Variants in WDR19 observed in about 807,000 individuals in gnomAD.
WDR19 encodes WD repeat domain 19, also known as WD repeat-containing protein 19.
In WDR19, 121 loss-of-function variants were observed where a neutral mutation model predicts 180.0. The observed-to-expected ratio is 0.67, with a 90% CI of 0.58 to 0.78. WDR19 has a LOEUF of 0.78. Ranked by LOEUF, WDR19 falls within the 30% of genes least tolerant of loss-of-function variation. The probability of loss-of-function intolerance (pLI) is 0.00; values close to 1 mark genes in which losing one functional copy is unlikely to be tolerated. For missense variants in WDR19, 1,450 were observed against 1,640.7 expected (o/e 0.88, Z 2.01); for synonymous variants, 497 against 540.7 (o/e 0.92, Z 1.12).
intron 28 of WDR19, among the ~76,000 whole-genome samples, chr4:39,264,803 C>T (rs775150247): frequency 7.2e-5 from 11 of 152,114 alleles, no homozygotes; most frequent in Non-Finnish European, 1.5e-4. Context: ...AATTCCTGAC[C>T]TCACACATTC....
intron 19 of WDR19, 161 bp downstream of exon 19, chr4:39,232,433 T>C (rs1730976832): frequency 3.8e-6 from 2 of 527,938 alleles, no homozygotes; most frequent in Non-Finnish European, 6.6e-6. Flanking sequence ...TAGACCAGCC[T>C]GACCAATATG....
chr4:39,192,731 G>C (rs1471839475), intron 4 of WDR19, among the ~76,000 whole-genome samples: 1 of 152,156 alleles, frequency 6.6e-6, no homozygotes, highest in Non-Finnish European at 1.5e-5. Flanking sequence ...CAAAGTGCTA[G>C]GATTATAGGC....
At chr4:39,277,268 T>G in intron 34 of WDR19, 125 bp downstream of exon 34, 1 of 1,088,094 alleles carries the variant, frequency 9.2e-7, no homozygotes, top group African/African-American at 1.6e-5. Context: ...TCCTGCAACA[T>G]CTAGCATTTT....
At chr4:39,265,527 A>G (rs1734699853) in intron 28 of WDR19, among the ~76,000 whole-genome samples, 2 of 151,898 alleles carry the variant, frequency 1.3e-5, no homozygotes. Context: ...TAATCTCAGC[A>G]CTTTGGGAGG....
intron 14 of WDR19, chr4:39,218,630 T>TA (rs1390851791): frequency 6.6e-6 from 1 of 152,394 alleles, no homozygotes; most frequent in African/African-American, 2.4e-5. Context: ...TACTGTACAC[T>TA]ACCATAGATT....
intron 9 of WDR19, 140 bp downstream of exon 9, chr4:39,205,876 AT>A: frequency 1.3e-6 from 1 of 777,844 alleles, no homozygotes; most frequent in Non-Finnish European, 2.0e-6. Flanking sequence ...CCTGATTTTA[AT>A]ATTCAGGGCA....
At chr4:39,195,302 T>C (rs770627284) in intron 5 of WDR19, among the ~76,000 whole-genome samples, 5 of 149,486 alleles carry the variant, frequency 3.3e-5, no homozygotes, top group Non-Finnish European at 7.4e-5. Flanking sequence ...GGAGGGTGGA[T>C]GTTGCAGTGA....
chr4:39,222,458 T>C (rs1039288971), intron 14 of WDR19, among the ~76,000 whole-genome samples: 1 of 152,212 alleles, frequency 6.6e-6, no homozygotes, highest in Admixed American at 6.5e-5. Context: ...TGGATCATGC[T>C]TTTGGTGTCA....
At chr4:39,265,408 T>C (rs577273094) in intron 28 of WDR19, among the ~76,000 whole-genome samples, 6 of 152,116 alleles carry the variant, frequency 3.9e-5, no homozygotes, top group Non-Finnish European at 7.4e-5. Flanking sequence ...CCTGGAATGA[T>C]ACCGTTGTGT....
chr4:39,225,431 C>T (rs1730151639), intron 15 of WDR19, among the ~76,000 whole-genome samples: 1 of 152,116 alleles, frequency 6.6e-6, no homozygotes, highest in African/African-American at 2.4e-5. Flanking sequence ...CTTGAAGATC[C>T]TGAGCACAAG....
At position 39,268,107 on chromosome 4, in the gene WDR19, G is replaced by A. The variant is rs375715247; in HGVS notation, c.3358+16G>A. The A allele has an allele frequency of 2.6e-4, 402 of 1,553,056 alleles. No homozygotes were observed. Among genetic ancestry groups the A allele is most frequent in the East Asian group, 6.2e-4 (26 of 42,098 alleles). On this transcript the variant is annotated intron_variant, in intron 30 of 36. Coordinates refer to ENST00000399820, the MANE Select transcript of WDR19 (RefSeq NM_025132.4). Reference sequence around the variant, plus strand: ...CAGTCTGCAGGTAGGTCCGTGATACGTATGTGTTACTTCCCAAGCAGGCAG... The same window carrying A: ...CAGTCTGCAGGTAGGTCCGTGATACATATGTGTTACTTCCCAAGCAGGCAG...
chr4:39,247,605 G>GA (rs1320106751), intron 24 of WDR19, among the ~76,000 whole-genome samples: 2 of 151,780 alleles, frequency 1.3e-5, no homozygotes, highest in Admixed American at 6.6e-5. Context: ...TAAAAACTTT[G>GA]AAAAAAAATT....
intron 26 of WDR19, among the ~76,000 whole-genome samples, chr4:39,254,342 T>C (rs1391206420): frequency 6.6e-6 from 1 of 152,172 alleles, no homozygotes; most frequent in Non-Finnish European, 1.5e-5. Context: ...GATTTCAAAA[T>C]GAAGGTGATA....
chr4:39,189,508 T>C (rs953472943), intron 3 of WDR19, 148 bp from the exon 4 acceptor site: 5 of 732,516 alleles, frequency 6.8e-6, no homozygotes, highest in African/African-American at 3.7e-5. Context: ...ACATTACCCA[T>C]GCAGTGAATA....
chr4:39,267,348 C>T (rs1254473263), intron 29 of WDR19, among the ~76,000 whole-genome samples: 1 of 152,182 alleles, frequency 6.6e-6, no homozygotes, highest in Non-Finnish European at 1.5e-5. Flanking sequence ...TTTTCTGCAT[C>T]TTACAGATAA....
Position 39,219,887 on chromosome 4 carries a change from A to G in WDR19, c.1479+1782A>G, listed in dbSNP as rs551858788. ...TGCCTGTTACCTTGTTCAGTCTGTA[A>G]AAGAATTAAGTTGTTAGAAAATGCT... On this transcript the variant is annotated intron_variant, in intron 14 of 36. Coordinates refer to ENST00000399820, the MANE Select transcript of WDR19 (RefSeq NM_025132.4). Among the ~76,000 whole-genome samples, 9 of 152,298 alleles carry G rather than the reference A, an allele frequency of 5.9e-5. No individual in the cohort carries two copies. The East Asian group carries it at 1.5e-3, about 26-fold the overall frequency.
chr4:39,282,130 T>C (rs578086425), intron 36 of WDR19, among the ~76,000 whole-genome samples: 1 of 152,332 alleles, frequency 6.6e-6, no homozygotes, highest in Admixed American at 6.5e-5. Context: ...CCTTCATCTC[T>C]ATCATATAAT....
chr4:39,216,321 A>G (rs900403950), intron 12 of WDR19, 111 bp downstream of exon 12: 11 of 859,754 alleles, frequency 1.3e-5, no homozygotes, highest in Non-Finnish European at 1.8e-5. Flanking sequence ...TTTTATTCAC[A>G]TATCTCATTC....
At chr4:39,243,359 CA>C (rs1344868256) in intron 21 of WDR19, among the ~76,000 whole-genome samples, 1 of 151,922 alleles carries the variant, frequency 6.6e-6, no homozygotes, top group Non-Finnish European at 1.5e-5. Flanking sequence ...ATTTTATAAG[CA>C]AAAAAATATA....
Sources: gnomAD v4.1 joint callset for allele counts (sites outside exome capture counted in the v4.1 genomes callset) on GRCh38, gnomAD v4.1.1 for gene constraint, MANE v1.5 for transcripts, NCBI Gene and HGNC (gene_info 2026-07-23, HGNC 2026-07-21) for gene names.